The following KCTD1 variants were observed in gnomAD, a reference collection of about 807,000 sequenced individuals.
KCTD1 encodes the protein potassium channel tetramerization domain containing 1, also known as BTB/POZ domain-containing protein KCTD1.
A neutral mutation model predicts 66.0 loss-of-function variants in KCTD1; 24 were observed. That is an observed-to-expected ratio of 0.36 (90% confidence interval 0.26 to 0.51). The LOEUF is 0.51. KCTD1 is among the 20% of genes least tolerant of loss of function. The pLI is 0.95. For missense variants in KCTD1, 943 were observed against 1,205.2 expected (o/e 0.78, Z 3.22); for synonymous variants, 511 against 517.2 (o/e 0.99, Z 0.16).
upstream of KCTD1, among the ~76,000 whole-genome samples, chr18:26,631,272 G>A (rs1759704537): frequency 6.6e-6 from 1 of 152,156 alleles, no homozygotes; most frequent in Admixed American, 6.5e-5. Context: ...TGAGAAATGT[G>A]TTATTAGGCA....
intron 1 of KCTD1, among the ~76,000 whole-genome samples, chr18:26,604,407 G>A (rs902397553): frequency 6.6e-6 from 1 of 152,144 alleles, no homozygotes; most frequent in Non-Finnish European, 1.5e-5. Flanking sequence ...TCCCATTACT[G>A]GGTATATACC....
At chr18:26,488,517 G>C (rs950469859) in intron 2 of KCTD1, among the ~76,000 whole-genome samples, 2 of 152,050 alleles carry the variant, frequency 1.3e-5, no homozygotes, top group African/African-American at 4.8e-5. Context: ...CGGGGTGGGA[G>C]GGGCCTCGCC....
chr18:26,513,122 G>T (rs9675462), intron 1 of KCTD1, among the ~76,000 whole-genome samples: 1 of 146,528 alleles, frequency 6.8e-6, no homozygotes, highest in Non-Finnish European at 1.5e-5. Flanking sequence ...TAGTCTCGCT[G>T]TGTTGCCCAG....
chr18:26,613,596 T>G (rs1183774924), intron 1 of KCTD1, among the ~76,000 whole-genome samples: 3 of 152,208 alleles, frequency 2.0e-5, no homozygotes, highest in Non-Finnish European at 4.4e-5. Context: ...ACTGCTAAAG[T>G]GTCCACAGAA....
intron 2 of KCTD1, among the ~76,000 whole-genome samples, chr18:26,500,250 T>C (rs1479018299): frequency 6.7e-6 from 1 of 148,664 alleles, no homozygotes; most frequent in Non-Finnish European, 1.5e-5. Context: ...ACCCTGTCTC[T>C]ACAAAAAATT....
rs1183919871 is a variant in KCTD1 at position 26,517,678 on chromosome 18, A to AG, written c.1810-16429_1810-16428insC. 9.4e-4 allele frequency among the ~76,000 whole-genome samples: 142 copies of AG among 151,796 alleles called. 2 individuals carry two copies. The highest frequency in any genetic ancestry group is 3.4e-3 in the Middle Eastern group (1 of 292). On this transcript the variant is annotated intron_variant, in intron 1 of 4. Coordinates refer to ENST00000580059, the MANE Select transcript of KCTD1 (RefSeq NM_001142730.3). ...GTCTCCAAAAAAAAAAAAAAAAAAA[A>AG]AAAAAGGGTAGTTTCCCTGCACAAG... is the stretch of plus-strand genomic sequence containing the variant.
chr18:26,474,217 T>C (rs554166368), intron 3 of KCTD1, among the ~76,000 whole-genome samples: 1 of 152,232 alleles, frequency 6.6e-6, no homozygotes, highest in Non-Finnish European at 1.5e-5. Flanking sequence ...TTTAAACTAG[T>C]CTATAGCATG....
At chr18:26,647,480 G>T (rs73407317) in intron 1 of KCTD1, among the ~76,000 whole-genome samples, 1 of 128,420 alleles carries the variant, frequency 7.8e-6, no homozygotes, top group Non-Finnish European at 1.6e-5. Context: ...AGATCATGCC[G>T]CTACACTCCA....
In KCTD1 at chr18:26,513,159, T is replaced by C. The variant is rs865909085; in HGVS notation, c.1810-11909A>G. On this transcript the variant is annotated intron_variant, in intron 1 of 4. Coordinates refer to ENST00000580059, the MANE Select transcript of KCTD1 (RefSeq NM_001142730.3). ...CTGGAGTGCAATGGCGCCATCTCGG[T>C]TCACTGCAAGCTCCGCCTCCCGGGT... Among the ~76,000 whole-genome samples the C allele has an allele frequency of 4.8e-4, 71 of 149,192 alleles. No homozygotes were observed. In the Middle Eastern group the frequency reaches 0.021, roughly 44 times the overall value.
chr18:26,561,215 T>C (rs982004854), intron 1 of KCTD1, among the ~76,000 whole-genome samples: 9 of 152,104 alleles, frequency 5.9e-5, no homozygotes, highest in African/African-American at 2.2e-4. Flanking sequence ...ATTTTACAAA[T>C]GTAACTGCAG....
intron 1 of KCTD1, among the ~76,000 whole-genome samples, chr18:26,514,869 T>G (rs1313629178): frequency 6.6e-6 from 1 of 152,210 alleles, no homozygotes; most frequent in East Asian, 1.9e-4. Flanking sequence ...CTTGGAATAT[T>G]TTGGAGAGGA....
intron 2 of KCTD1, among the ~76,000 whole-genome samples, chr18:26,485,935 C>CTTT (rs372930779): frequency 7.3e-6 from 1 of 136,676 alleles, no homozygotes; most frequent in Non-Finnish European, 1.6e-5. Flanking sequence ...TAATTTAATC[C>CTTT]TTTTTTTTTT....
At chr18:26,657,015 CGAGATCCGGAACCCGGCCCA>C (rs1274991120) in intron 1 of KCTD1, among the ~76,000 whole-genome samples, 3 of 150,400 alleles carry the variant, frequency 2.0e-5, no homozygotes, top group African/African-American at 7.3e-5. Flanking sequence ...GGCTCCTCTC[CGAGATCCGGAACCCGGCCCA>C]GAGATCCGGA....
At chr18:26,618,578 T>C (rs1987306882) in intron 1 of KCTD1, among the ~76,000 whole-genome samples, 1 of 152,194 alleles carries the variant, frequency 6.6e-6, no homozygotes, top group Non-Finnish European at 1.5e-5. Flanking sequence ...GGAAGGACCT[T>C]AAGGCAAGAC....
intron 1 of KCTD1, among the ~76,000 whole-genome samples, chr18:26,628,150 A>G (rs1263597780): frequency 1.3e-5 from 2 of 152,190 alleles, no homozygotes; most frequent in Non-Finnish European, 2.9e-5. Flanking sequence ...TACATGTTTC[A>G]GAGTTAATCA....
intron 1 of KCTD1, among the ~76,000 whole-genome samples, chr18:26,604,906 A>T (rs574845968): frequency 1.3e-5 from 2 of 152,216 alleles, no homozygotes; most frequent in Non-Finnish European, 2.9e-5. Context: ...TTAAAAAAAA[A>T]TAAAGAAACT....
At chr18:26,508,728 TCACACA>T (rs33932453) in intron 1 of KCTD1, among the ~76,000 whole-genome samples, 19 of 150,506 alleles carry the variant, frequency 1.3e-4, no homozygotes, top group East Asian at 3.9e-4. Flanking sequence ...TCTCTCTCTC[TCACACA>T]CACACACACA....
At chr18:26,530,489 A>G (rs767885907) in intron 1 of KCTD1, among the ~76,000 whole-genome samples, 8 of 152,202 alleles carry the variant, frequency 5.3e-5, no homozygotes, top group East Asian at 3.8e-4. Context: ...GGGCAAGTCC[A>G]TCTTGGTCCT....
chr18:26,492,800 G>A (rs956070391), intron 2 of KCTD1, among the ~76,000 whole-genome samples: 1 of 152,026 alleles, frequency 6.6e-6, no homozygotes, highest in African/African-American at 2.4e-5. Flanking sequence ...GCTCTTCTCT[G>A]TAGGGATAGA....
Sources: allele counts gnomAD v4.1 joint callset (sites outside exome capture counted in the v4.1 genomes callset), GRCh38; gene constraint gnomAD v4.1.1; transcripts MANE v1.5; gene names NCBI Gene and HGNC (gene_info 2026-07-23, HGNC 2026-07-21).